The following SCAF11 variants were observed in gnomAD, a reference collection of about 807,000 sequenced individuals.
SCAF11 encodes the protein protein SCAF11.
In SCAF11, 47 loss-of-function variants were observed where a neutral mutation model predicts 140.5. That is an observed-to-expected ratio of 0.33 (90% CI 0.26 to 0.43). SCAF11 has a LOEUF of 0.43. Among genes scored for constraint, SCAF11 ranks in the 20% least tolerant of loss-of-function variants. The pLI, the probability that SCAF11 is intolerant of heterozygous loss-of-function variation, is 1.00. For synonymous variants in SCAF11, 557 were observed against 579.4 expected, an observed-to-expected ratio of 0.96 and a Z score of 0.55; for missense variants, 1,645 against 1,705.1, an observed-to-expected ratio of 0.96 and a Z score of 0.62.
intron 3 of SCAF11, among the ~76,000 whole-genome samples, chr12:45,959,243 G>T (rs1945767829): frequency 2.0e-5 from 3 of 151,642 alleles, no homozygotes; most frequent in Admixed American, 2.0e-4. Context: ...ACTAGAGCCT[G>T]GGTGACAGAC....
chr12:45,964,200 A>G lies in SCAF11; in HGVS notation c.-21-12T>C, dbSNP rs1367428423. 1.6e-6 allele frequency: 2 copies of G among 1,225,210 alleles called. No homozygotes were observed. The highest frequency in any genetic ancestry group is 2.2e-5 in the Admixed American group (1 of 45,862). The allele number at this position is 1,225,210 out of a possible 1,614,324, so 75.9% of individuals were successfully genotyped here. On this transcript the variant is annotated splice_polypyrimidine_tract_variant and intron_variant, in intron 1 of 14. Transcript: ENST00000369367. The stretch of plus-strand genomic sequence containing the variant: ...TGGAAAAGGGTTTCCTATAAGATAA[A>G]TTATAATAGAGAATTTTATGTTTGC...
At chr12:45,930,192 T>A (rs750244464) in intron 10 of SCAF11, among the ~76,000 whole-genome samples, 3 of 152,204 alleles carry the variant, frequency 2.0e-5, no homozygotes, top group African/African-American at 7.2e-5. Flanking sequence ...TAGATCTCAA[T>A]CTGTTCCTAT....
intron 1 of SCAF11, among the ~76,000 whole-genome samples, chr12:45,983,752 C>CACAG (rs1179938240): frequency 6.8e-6 from 1 of 147,980 alleles, no homozygotes; most frequent in East Asian, 2.0e-4. Context: ...AACACACACA[C>CACAG]ACACACACAC....
At chr12:45,951,382 T>C (rs890900446) in intron 4 of SCAF11, among the ~76,000 whole-genome samples, 1 of 152,142 alleles carries the variant, frequency 6.6e-6, no homozygotes, top group African/African-American at 2.4e-5. Context: ...GTACAAAACG[T>C]CCTTCAGATT....
intron 3 of SCAF11, chr12:45,953,871 TG>T: frequency 9.7e-7 from 1 of 1,027,202 alleles, no homozygotes; most frequent in Non-Finnish European, 1.3e-6. Context: ...GAAGAAAGTG[TG>T]GCATATACTA....
rs1376255428 is a variant in SCAF11 at position 45,926,823 on chromosome 12, C to G, written c.2878G>C (p.Asp960His). ...CCCTTCCACCGGGGAGAGTAACTAT[C>G]TCTGTCAATTCTACCAAATGATGAA... The part of the protein sequence containing the change: ...KSSSFGRIDR[D>H]SYSPRWKGRW... Residue 960 changes from aspartate to histidine, a missense_variant, in exon 11 of 15, where the codon GAT (aspartate) becomes CAT (histidine). Physicochemically the swap from Asp to His is moderately conservative, Grantham distance 81 (BLOSUM62 -1). Around this residue, in one of 2 missense-constraint regions of SCAF11, gnomAD observed 1,582 missense variants for 1,609.2 expected, o/e 0.98. Coordinates refer to ENST00000369367, the MANE Select transcript of SCAF11 (RefSeq NM_004719.3). 1 of 1,614,074 alleles carries G rather than the reference C, an allele frequency of 6.2e-7. No homozygotes were observed. Among genetic ancestry groups the G allele is most frequent in the East Asian group, 2.2e-5 (1 of 44,898 alleles).
intron 3 of SCAF11, chr12:45,955,949 AC>A: frequency 1.6e-6 from 1 of 618,428 alleles, no homozygotes; most frequent in South Asian, 1.9e-5. Flanking sequence ...AATGCTCTGT[AC>A]TAAGGTTGTT....
chr12:45,969,904 T>A (rs1474571076), intron 1 of SCAF11, among the ~76,000 whole-genome samples: 1 of 151,750 alleles, frequency 6.6e-6, no homozygotes, highest in Non-Finnish European at 1.5e-5. Context: ...ATTCAACCAT[T>A]TTTTTTTTCT....
chr12:45,925,530 C>G lies in SCAF11; in HGVS notation c.3560-456G>C, dbSNP rs561367996. 3.4e-4 allele frequency among the ~76,000 whole-genome samples: 51 copies of G among 152,188 alleles called. 1 individual carries two copies. The highest frequency in any genetic ancestry group is 1.2e-3 in the African/African-American group (50 of 41,526). ...TGCCATTGCACTCCAGCCTGGGCAA[C>G]AACAGAGAAACTCCATCTCAAAAAA... On this transcript the variant is annotated intron_variant, in intron 11 of 14. Coordinates refer to ENST00000369367, the MANE Select transcript of SCAF11 (RefSeq NM_004719.3).
In SCAF11 at chr12:45,922,210, T is replaced by C. The variant is rs765024624; in HGVS notation, c.4246-16A>G. 6.3e-7 allele frequency: 1 copy of C among 1,587,754 alleles called. No individual in the cohort carries two copies. The highest frequency in any genetic ancestry group is 1.4e-5 in the African/African-American group (1 of 73,120). ...TATGACAAACCTAAGAAAAAAGGGG[T>C]GGGGGGTAAACTTTTTTCATGCTTA... is the stretch of plus-strand genomic sequence containing the variant. On this transcript the variant is annotated splice_polypyrimidine_tract_variant and intron_variant, in intron 14 of 14. Transcript: ENST00000369367.
chr12:45,985,669 T>C (rs917825919), intron 1 of SCAF11, among the ~76,000 whole-genome samples: 1 of 152,244 alleles, frequency 6.6e-6, no homozygotes, highest in Non-Finnish European at 1.5e-5. Context: ...ATGTAAAATG[T>C]CTACAACAGA....
chr12:45,922,420 G>A, intron 14 of SCAF11, 43 bp downstream of exon 14: 1 of 1,580,950 alleles, frequency 6.3e-7, no homozygotes, highest in South Asian at 1.2e-5. Flanking sequence ...AACAGAGGTG[G>A]TTCAAAACAA....
chr12:45,960,974 C>A (rs1171561184), intron 3 of SCAF11: 1 of 197,144 alleles, frequency 5.1e-6, no homozygotes, highest in African/African-American at 2.3e-5. Flanking sequence ...CTTAACATTT[C>A]ATAACAATAA....
chr12:45,930,843 A>AT (rs1332384866), intron 10 of SCAF11: 1 of 151,410 alleles, frequency 6.6e-6, no homozygotes, highest in African/African-American at 2.4e-5. Context: ...CTTTTTCTTA[A>AT]TTTTTTTCAC....
At chr12:45,930,452 TTTTG>T (rs1945015209) in intron 10 of SCAF11, among the ~76,000 whole-genome samples, 5 of 149,008 alleles carry the variant, frequency 3.4e-5, no homozygotes. Context: ...TTTGTTTTTT[TTTTG>T]TTTTTTTTTT....
chr12:45,928,135 T>C lies in SCAF11; in HGVS notation c.1566A>G (p.Pro522=), dbSNP rs1944941739. The C allele has an allele frequency of 6.2e-7, 1 of 1,614,064 alleles. No individual in the cohort carries two copies. The highest frequency in any genetic ancestry group is 8.5e-7 in the Non-Finnish European group (1 of 1,180,026). ...SENILEKGGD[P]LEKQDQISGL... ...CAGATATCTGGTCTTGCTTTTCCAA[T>C]GGATCACCTCCTTTTTCAAGAATAT... The change falls in exon 11 of 15, where the codon CCA becomes CCG. Residue 522 remains proline (P), a synonymous_variant. Coordinates refer to ENST00000369367, the MANE Select transcript of SCAF11 (RefSeq NM_004719.3).
At chr12:45,989,058 G>A (rs773980839) in intron 1 of SCAF11, among the ~76,000 whole-genome samples, 6 of 152,144 alleles carry the variant, frequency 3.9e-5, no homozygotes, top group Non-Finnish European at 8.8e-5. Context: ...ATAGTGACAT[G>A]ATCAAGCCAA....
rs2136613186 is a variant in SCAF11 at position 45,961,740 on chromosome 12, T to C, written c.179A>G (p.Asn60Ser). Residue 60 changes from asparagine (N) to serine (S), a missense_variant, in exon 3 of 15, where the codon AAT becomes AGT. Asn to Ser is a conservative substitution (Grantham distance 46). Transcript: ENST00000369367. The stretch of plus-strand genomic sequence containing the variant: ...AATACAAGTCATACAGAAGACATGA[T>C]TACAGCTTTCTGGAAAACCAACTTC... ...EKEVGFPESC[N>S]HVFCMTCILK... is the part of the protein sequence containing the mutation. The C allele has an allele frequency of 2.5e-6, 4 of 1,613,130 alleles. No homozygotes were observed. The East Asian group carries it at 8.9e-5, about 36-fold the overall frequency.
rs1365673135 is a variant in SCAF11, at chr12:45,966,244, C to G, written c.-21-2056G>C. Among the ~76,000 whole-genome samples, 3 of 151,650 alleles carry G rather than the reference C, an allele frequency of 2.0e-5. No individual in the cohort carries two copies. The South Asian group carries it at 6.2e-4, about 31-fold the overall frequency. On this transcript the variant is annotated intron_variant, in intron 1 of 14. Transcript: ENST00000369367. ...AGAACAGAAAGCTTAAGAACATTAG[C>G]AATTATCTTCAAATAAAATGAACTG...
Sources: gnomAD v4.1 joint callset for allele counts (sites outside exome capture counted in the v4.1 genomes callset) on GRCh38, gnomAD v4.1.1 for gene constraint, gnomAD v4.1.1 regional missense constraint, MANE v1.5 for transcripts, NCBI Gene and HGNC (gene_info 2026-07-23, HGNC 2026-07-21) for gene names.